PTPN12: variants seen among roughly 807,000 people sequenced by gnomAD.
PTPN12 encodes tyrosine-protein phosphatase non-receptor type 12.
PTPN12 carries 29 observed loss-of-function variants against 97.6 expected under a neutral mutation model. The ratio of observed to expected loss-of-function variants is 0.30; its 90% CI spans 0.22 to 0.41. The LOEUF (loss-of-function observed/expected upper bound fraction) is 0.41. PTPN12 is among the 10% of genes least tolerant of loss of function. The pLI is 1.00. For synonymous variants in PTPN12, 327 were observed against 300.4 expected, an observed-to-expected ratio of 1.09 and a Z score of -0.91; for missense variants, 819 against 926.0, an observed-to-expected ratio of 0.88 and a Z score of 1.50.
intron 2 of PTPN12, among the ~76,000 whole-genome samples, chr7:77,576,865 C>T (rs1179281239): frequency 6.6e-6 from 1 of 152,210 alleles, no homozygotes; most frequent in African/African-American, 2.4e-5. Context: ...TAACAAACTG[C>T]AGAAGATGCA....
At chr7:77,559,577 T>A (rs1325061167) in intron 1 of PTPN12, among the ~76,000 whole-genome samples, 1 of 148,528 alleles carries the variant, frequency 6.7e-6, no homozygotes, top group Non-Finnish European at 1.5e-5. Flanking sequence ...TATTTTAAAT[T>A]ACACTTCCAG....
chr7:77,549,031 C>A (rs965825629), intron 1 of PTPN12, among the ~76,000 whole-genome samples: 1 of 152,168 alleles, frequency 6.6e-6, no homozygotes, highest in African/African-American at 2.4e-5. Context: ...CTGTCTCATT[C>A]ACTTTTATCT....
chr7:77,609,536 C>G (rs1372115085), intron 9 of PTPN12, among the ~76,000 whole-genome samples: 3 of 151,280 alleles, frequency 2.0e-5, no homozygotes, highest in African/African-American at 7.3e-5. Context: ...TCTCAAAGTG[C>G]TGGGATTACA....
At chr7:77,598,487 G>C (rs907422775) in intron 7 of PTPN12, among the ~76,000 whole-genome samples, 3 of 152,130 alleles carry the variant, frequency 2.0e-5, no homozygotes, top group African/African-American at 7.2e-5. Flanking sequence ...TTCAAGACCA[G>C]CCTGGCCAAC....
chr7:77,538,098 G>A, intron 1 of PTPN12: 1 of 991,010 alleles, frequency 1.0e-6, no homozygotes, highest in African/African-American at 1.7e-5. Context: ...GAGGAACGGG[G>A]GTATTGAGGT....
chr7:77,540,423 A>G (rs990893571), intron 1 of PTPN12, among the ~76,000 whole-genome samples: 11 of 151,762 alleles, frequency 7.2e-5, no homozygotes, highest in African/African-American at 2.4e-4. Flanking sequence ...TTTTTAGTAG[A>G]GATGGGATTT....
intron 12 of PTPN12, among the ~76,000 whole-genome samples, chr7:77,626,041 G>A (rs1426311947): frequency 6.6e-6 from 1 of 152,140 alleles, no homozygotes; most frequent in African/African-American, 2.4e-5. Context: ...TGGAGCAGGA[G>A]GCCAAAAGTT....
intron 12 of PTPN12, among the ~76,000 whole-genome samples, chr7:77,624,574 G>A (rs1157466225): frequency 6.6e-6 from 1 of 151,846 alleles, no homozygotes; most frequent in Admixed American, 6.6e-5. Flanking sequence ...TGAGTAGCTG[G>A]GATTACAGGC....
intron 1 of PTPN12, among the ~76,000 whole-genome samples, chr7:77,556,130 A>G (rs536376042): frequency 1.3e-5 from 2 of 152,162 alleles, no homozygotes; most frequent in East Asian, 3.9e-4. Context: ...ATACAATCAT[A>G]GCTAACTGCA....
chr7:77,585,508 C>G, intron 4 of PTPN12, 35 bp from the exon 5 acceptor site: 4 of 1,566,432 alleles, frequency 2.6e-6, no homozygotes, highest in Non-Finnish European at 3.5e-6. Context: ...TTAACTGATA[C>G]GTTCTTTATC....
intron 12 of PTPN12, among the ~76,000 whole-genome samples, chr7:77,624,829 A>AG (rs996966407): frequency 2.0e-4 from 30 of 151,722 alleles, no homozygotes; most frequent in Admixed American, 1.1e-3. Flanking sequence ...ACCTGGGGGG[A>AG]GAAAAAAAAG....
At chr7:77,595,409 A>T (rs181901836) in intron 6 of PTPN12, among the ~76,000 whole-genome samples, 1 of 152,318 alleles carries the variant, frequency 6.6e-6, no homozygotes, top group Admixed American at 6.5e-5. Context: ...TCGATGTGGG[A>T]TGAGGACAAG....
intron 13 of PTPN12, among the ~76,000 whole-genome samples, chr7:77,629,238 C>G (rs1789312436): frequency 6.6e-6 from 1 of 152,250 alleles, no homozygotes. Context: ...CGTGAGCCAC[C>G]ACGCCCAGCC....
intron 1 of PTPN12, among the ~76,000 whole-genome samples, chr7:77,546,604 A>C (rs185519940): frequency 3.7e-4 from 56 of 152,382 alleles, no homozygotes; most frequent in African/African-American, 1.3e-3. Flanking sequence ...TATAAGAAGC[A>C]AACAGTAGTT....
chr7:77,617,557 T>C (rs185171947), intron 11 of PTPN12, among the ~76,000 whole-genome samples: 91 of 152,234 alleles, frequency 6.0e-4, no homozygotes, highest in African/African-American at 2.2e-3. Flanking sequence ...AAAACAATGA[T>C]AACAAAACAA....
chr7:77,583,889 A>G lies in PTPN12; in HGVS notation c.381+239A>G, dbSNP rs1787601380. 3 of 343,660 alleles carry G rather than the reference A, an allele frequency of 8.7e-6. No individual in the cohort carries two copies. In the South Asian group the frequency reaches 1.1e-4, roughly 13 times the overall value. The allele number at this position is 343,660 out of a possible 1,614,324, so 21.3% of individuals were successfully genotyped here. A position where few individuals can be genotyped will look rare whatever the true frequency, so the allele number is the denominator to read the frequency against. ...AAATCTTGTCCTAAGTCAGTAAGTA[A>G]TGATACAGCTATCAAACAACTTATA... On this transcript the variant is annotated intron_variant, in intron 4 of 17. Transcript: ENST00000248594.
At position 77,627,797 on chromosome 7, in the gene PTPN12, A is replaced by G; in HGVS notation, c.1996+122A>G. 2 of 986,994 alleles carry G rather than the reference A, an allele frequency of 2.0e-6. 1 individual carries two copies. The highest frequency in any genetic ancestry group is 2.7e-6 in the Non-Finnish European group (2 of 729,672). 61.1% of individuals were successfully genotyped at this position (986,994 alleles called of 1,614,324 possible). ...ACTCTACCATAGAACCTACAGCAAA[A>G]TCTGTCTTAGATACTAATTTTTTAA... On this transcript the variant is annotated intron_variant, in intron 13 of 17. Transcript: ENST00000248594.
At chr7:77,545,642 TACTTC>T (rs1807180920) in intron 1 of PTPN12, 1 of 151,406 alleles carries the variant, frequency 6.6e-6, no homozygotes, top group Non-Finnish European at 1.5e-5. Context: ...TAAAAAAAAA[TACTTC>T]ACCTGGAAGT....
chr7:77,635,001 C>T (rs1486799497), intron 14 of PTPN12, among the ~76,000 whole-genome samples: 3 of 152,138 alleles, frequency 2.0e-5, no homozygotes, highest in South Asian at 2.1e-4. Flanking sequence ...GAGGCATACA[C>T]CGTCACTCCC....
Sources: gnomAD v4.1 joint callset for allele counts (sites outside exome capture counted in the v4.1 genomes callset) on GRCh38, gnomAD v4.1.1 for gene constraint, MANE v1.5 for transcripts, NCBI Gene and HGNC (gene_info 2026-07-23, HGNC 2026-07-21) for gene names.